GIGYF2: variants seen among roughly 807,000 people sequenced by gnomAD.
GIGYF2 encodes GRB10 interacting GYF protein 2, also known as GRB10-interacting GYF protein 2.
A neutral mutation model predicts 208.1 loss-of-function variants in GIGYF2; 25 were observed. The observed-to-expected ratio is 0.12, with a 90% CI of 0.09 to 0.17. GIGYF2 has a LOEUF of 0.17. Among genes scored for constraint, GIGYF2 ranks in the 10% least tolerant of loss-of-function variants. The pLI, the probability that GIGYF2 is intolerant of heterozygous loss-of-function variation, is 1.00. For synonymous variants in GIGYF2, 534 were observed against 543.8 expected, an observed-to-expected ratio of 0.98 and a Z score of 0.25; for missense variants, 1,302 against 1,579.4, an observed-to-expected ratio of 0.82 and a Z score of 2.98.
intron 14 of GIGYF2, among the ~76,000 whole-genome samples, chr2:232,797,489 T>TGTG (rs148403782): frequency 6.9e-6 from 1 of 144,994 alleles, no homozygotes; most frequent in African/African-American, 2.6e-5. Flanking sequence ...AGAGCAGGGC[T>TGTG]TGTGTGTGTG....
At chr2:232,757,745 A>G (rs1230729680) in intron 6 of GIGYF2, among the ~76,000 whole-genome samples, 1 of 151,354 alleles carries the variant, frequency 6.6e-6, no homozygotes, top group Non-Finnish European at 1.5e-5. Context: ...GTGTGCTGCA[A>G]ATACCAACCA....
In GIGYF2 at chr2:232,847,487, C is replaced by T. The variant is rs1317112166; in HGVS notation, c.3600C>T (p.Ala1200=). 1 of 1,607,298 alleles carries T rather than the reference C, an allele frequency of 6.2e-7. No individual in the cohort carries two copies. The highest frequency in any genetic ancestry group is 1.1e-5 in the South Asian group (1 of 90,896). ...TTGAGCGCCGTGCCAAACAGAAAGCCAACCAGCAGCGTCAGCAGCAGCAGC... is the reference window on the plus strand; with the variant it reads ...TTGAGCGCCGTGCCAAACAGAAAGCTAACCAGCAGCGTCAGCAGCAGCAGC... The part of the protein sequence containing the change: ...QFLERRAKQK[A]NQQRQQQQLP... Residue 1200 remains alanine, a synonymous_variant, in exon 27 of 29, where the codon GCC becomes GCT. Coordinates refer to ENST00000373563, the MANE Select transcript of GIGYF2 (RefSeq NM_001103146.3).
At position 232,708,004 on chromosome 2, in the gene GIGYF2, C is replaced by G. The variant is rs192989461; in HGVS notation, c.-44+4515C>G. On this transcript the variant is annotated intron_variant, in intron 2 of 28. Transcript: ENST00000373563. ...TGAGACAAGGTCTTGCTCTGTCCCT[C>G]AGGCTGCAGTGCAGTGGTGTAGTCA... 3.2e-3 allele frequency among the ~76,000 whole-genome samples: 490 copies of G among 152,170 alleles called. 3 individuals are homozygous for G. The highest frequency in any genetic ancestry group is 5.6e-3 in the Non-Finnish European group (378 of 68,012).
At chr2:232,737,947 C>T (rs1697807398) in intron 3 of GIGYF2, among the ~76,000 whole-genome samples, 2 of 139,340 alleles carry the variant, frequency 1.4e-5, no homozygotes, top group African/African-American at 5.4e-5. Context: ...GAGTCAGCCT[C>T]GCTCTGTCGC....
At chr2:232,782,529 A>C (rs1299138662) in intron 8 of GIGYF2, 3 of 152,226 alleles carry the variant, frequency 2.0e-5, no homozygotes, top group African/African-American at 4.8e-5. Context: ...TATGATAGCA[A>C]AAAGGTAGAA....
intron 2 of GIGYF2, among the ~76,000 whole-genome samples, chr2:232,708,899 A>C (rs1696256095): frequency 6.7e-6 from 1 of 149,638 alleles, no homozygotes; most frequent in African/African-American, 2.5e-5. Context: ...AGGTGGGTGG[A>C]TCACCTGAGG....
At chr2:232,779,443 AGT>A (rs1699636566) in intron 8 of GIGYF2, among the ~76,000 whole-genome samples, 2 of 152,196 alleles carry the variant, frequency 1.3e-5, no homozygotes, top group South Asian at 4.1e-4. Context: ...TAAAATCTTC[AGT>A]TGGAGTGCGA....
intron 8 of GIGYF2, among the ~76,000 whole-genome samples, chr2:232,773,562 A>C (rs1699369191): frequency 6.6e-6 from 1 of 152,190 alleles, no homozygotes; most frequent in Non-Finnish European, 1.5e-5. Context: ...TTGATAGCCA[A>C]ATTTCTAGCA....
chr2:232,704,831 G>GT (rs1382439098), intron 2 of GIGYF2, among the ~76,000 whole-genome samples: 5 of 125,444 alleles, frequency 4.0e-5, no homozygotes, highest in African/African-American at 1.5e-4. Context: ...TCCATTGATT[G>GT]TTTTTTATAA....
intron 1 of GIGYF2, among the ~76,000 whole-genome samples, chr2:232,701,394 G>A (rs916122007): frequency 9.3e-5 from 14 of 150,960 alleles, no homozygotes; most frequent in Non-Finnish European, 7.4e-5. Flanking sequence ...GCAGTGAGCC[G>A]TGATTGCACC....
intron 20 of GIGYF2, 142 bp from the exon 21 acceptor site, chr2:232,819,685 C>T (rs1482569152): frequency 9.8e-6 from 6 of 612,324 alleles, no homozygotes; most frequent in Admixed American, 8.9e-5. Flanking sequence ...ACTTTTTACT[C>T]CAGATCATGA....
intron 22 of GIGYF2, among the ~76,000 whole-genome samples, chr2:232,836,322 A>ACT (rs1701620614): frequency 1.1e-4 from 3 of 26,140 alleles, no homozygotes; most frequent in African/African-American, 2.4e-4. Context: ...ATATATATAT[A>ACT]TATATATACA....
chr2:232,745,459 A>G (rs148168415), intron 3 of GIGYF2, among the ~76,000 whole-genome samples: 4 of 152,266 alleles, frequency 2.6e-5, no homozygotes, highest in African/African-American at 7.2e-5. Flanking sequence ...CAAAGATGAG[A>G]CAGTTTGAAC....
rs1698197216 is a variant in GIGYF2 at position 232,747,721 on chromosome 2, G to C, written c.148G>C (p.Ala50Pro). The change falls in exon 4 of 29, where the codon GCA becomes CCA. Residue 50 changes from alanine to proline, a missense_variant. Transcript: ENST00000373563. ...TCGTTACGGCAGAGAAGAAATGTTA[G>C]CACTTTTCCTTAAAGACAACAAGGT... ...DYRYGREEML[A>P]LFLKDNKIPS... The C allele has an allele frequency of 5.0e-6, 8 of 1,613,850 alleles. No homozygotes were observed. Among genetic ancestry groups the C allele is most frequent in the Non-Finnish European group, 6.8e-6 (8 of 1,179,838 alleles).
At position 232,816,802 on chromosome 2, in the gene GIGYF2, T is replaced by G. The variant is rs1078323; in HGVS notation, c.2209-69T>G. On this transcript the variant is annotated intron_variant, in intron 19 of 28. Coordinates refer to ENST00000373563, the MANE Select transcript of GIGYF2 (RefSeq NM_001103146.3). ...AGCTGATTGAATGAACGAATACTAC[T>G]GGTCAGTGCTTTCGGAGTGTTCCTG... The G allele has an allele frequency of 0.32, 371,763 of 1,144,548 alleles. 63,566 individuals are homozygous for G. Among genetic ancestry groups the G allele is most frequent in the Admixed American group, 0.37 (21,585 of 58,466 alleles). 70.9% of individuals were successfully genotyped at this position (1,144,548 alleles called of 1,614,324 possible). A position where few individuals can be genotyped will look rare whatever the true frequency, so the allele number is the denominator to read the frequency against.
chr2:232,798,869 C>T (rs1700303410), intron 14 of GIGYF2, among the ~76,000 whole-genome samples: 1 of 150,808 alleles, frequency 6.6e-6, no homozygotes, highest in African/African-American at 2.4e-5. Context: ...ATATATGGTT[C>T]AGTGGTATTA....
Position 232,791,181 on chromosome 2 carries a change from T to C in GIGYF2, c.1093+11T>C. ...ATAGAGTAGGAGTTGGTAAGGCCTC[T>C]TCTTGCCCTTTGCCTTTTTTTTCCT... On this transcript the variant is annotated intron_variant, in intron 11 of 28. Coordinates refer to ENST00000373563, the MANE Select transcript of GIGYF2 (RefSeq NM_001103146.3). The C allele has an allele frequency of 6.2e-7, 1 of 1,614,034 alleles. No individual in the cohort carries two copies. The highest frequency in any genetic ancestry group is 8.5e-7 in the Non-Finnish European group (1 of 1,179,940).
chr2:232,760,280 T>G, intron 6 of GIGYF2, 200 bp from the exon 7 acceptor site: 1 of 557,480 alleles, frequency 1.8e-6, no homozygotes, highest in Non-Finnish European at 3.2e-6. Context: ...TTTTAACTTG[T>G]TTCTTTCAGC....
Position 232,711,705 on chromosome 2 carries a change from G to GTATATATATATATATGTATATATATA in GIGYF2, c.-44+8231_-44+8232insGTATATATATATATATATATATATAT, listed in dbSNP as rs1696413838. ...GAAGGAAAATTATCCTCACAATGAT[G>GTATATATATATATATGTATATATATA]TATATATATATATATATATATAGTT... On this transcript the variant is annotated intron_variant, in intron 2 of 28. Coordinates refer to ENST00000373563, the MANE Select transcript of GIGYF2 (RefSeq NM_001103146.3). 1.0e-4 allele frequency among the ~76,000 whole-genome samples: 12 copies of GTATATATATATATATGTATATATATA among 115,770 alleles called. No individual in the cohort carries two copies. In the South Asian group the frequency reaches 4.5e-3, roughly 44 times the overall value. The allele number at this position is 115,770 out of a possible 152,430, so 75.9% of individuals were successfully genotyped here.
Sources: allele counts gnomAD v4.1 joint callset (sites outside exome capture counted in the v4.1 genomes callset), GRCh38; gene constraint gnomAD v4.1.1; transcripts MANE v1.5; gene names NCBI Gene and HGNC (gene_info 2026-07-23, HGNC 2026-07-21).